The following THADA variants were observed in gnomAD, a reference collection of about 807,000 sequenced individuals.
THADA encodes the protein tRNA (32-2'-O)-methyltransferase regulator THADA.
Under a neutral mutation model 219.8 loss-of-function variants are expected in THADA, and 213 were observed. The ratio of observed to expected loss-of-function variants is 0.97; its 90% CI spans 0.87 to 1.09. The LOEUF (loss-of-function observed/expected upper bound fraction) is 1.09, where lower values mean the gene tolerates loss of function less well. Ranked by LOEUF, THADA falls within the 50% of genes least tolerant of loss-of-function variation. THADA has a pLI of 0.00. For synonymous variants in THADA, 1,018 were observed against 828.9 expected, an observed-to-expected ratio of 1.23 and a Z score of -3.92; for missense variants, 2,956 against 2,311.3, an observed-to-expected ratio of 1.28 and a Z score of -5.72.
chr2:43,577,245 G>A lies in THADA; in HGVS notation c.817-3C>T. The A allele has an allele frequency of 1.9e-6, 3 of 1,575,212 alleles. No homozygotes were observed. Among genetic ancestry groups the A allele is most frequent in the South Asian group, 1.2e-5 (1 of 85,736 alleles). ...GAACGAAGCAGCACACTGCTAATCTGGAAAAATATAGCAGAGCTAACACAC... is the reference window on the plus strand; with the variant it reads ...GAACGAAGCAGCACACTGCTAATCTAGAAAAATATAGCAGAGCTAACACAC... On this transcript the variant is annotated splice_polypyrimidine_tract_variant and splice_region_variant and intron_variant, in intron 9 of 37. Coordinates refer to ENST00000405975, the MANE Select transcript of THADA (RefSeq NM_022065.5).
At chr2:43,297,384 A>C (rs1226422876) in intron 31 of THADA, among the ~76,000 whole-genome samples, 7 of 88,464 alleles carry the variant, frequency 7.9e-5, no homozygotes, top group South Asian at 4.5e-4. Flanking sequence ...TCTGCCCGGC[A>C]GCCACCCCAT....
intron 30 of THADA, among the ~76,000 whole-genome samples, chr2:43,340,278 G>T (rs1478829205): frequency 2.0e-5 from 3 of 152,208 alleles, no homozygotes; most frequent in African/African-American, 7.2e-5. Flanking sequence ...GTCCTTTCCT[G>T]AAGCCATGTT....
At chr2:43,433,840 A>G (rs1679712302) in intron 26 of THADA, among the ~76,000 whole-genome samples, 1 of 152,062 alleles carries the variant, frequency 6.6e-6, no homozygotes, top group South Asian at 2.1e-4. Context: ...GGTGCGCACC[A>G]CCACATCTGG....
Position 43,551,808 on chromosome 2 carries a change from G to A in THADA, c.2928C>T (p.Ile976=). 2 of 1,613,594 alleles carry A rather than the reference G, an allele frequency of 1.2e-6. No homozygotes were observed. Among genetic ancestry groups the A allele is most frequent in the Non-Finnish European group, 1.7e-6 (2 of 1,179,780 alleles). Residue 976 remains isoleucine (I), a synonymous_variant, in exon 19 of 38, where the codon ATC becomes ATT. Transcript: ENST00000405975. ...GCTAACCTGAATCAGTGTCCATTGG[G>A]ATGAGGCCTTCAGGGGATGAGCTCT... ...VIQSSSPEGL[I]PMDTDSESAS...
chr2:43,424,967 C>T (rs752945446), intron 28 of THADA, among the ~76,000 whole-genome samples: 1 of 152,190 alleles, frequency 6.6e-6, no homozygotes, highest in African/African-American at 2.4e-5. Context: ...AGAAGACAGC[C>T]TGTACTCAGA....
intron 20 of THADA, among the ~76,000 whole-genome samples, chr2:43,547,652 T>C (rs552800156): frequency 2.0e-5 from 3 of 152,360 alleles, no homozygotes; most frequent in East Asian, 1.9e-4. Flanking sequence ...TTCCAGTGGA[T>C]TGCATCGGCT....
At chr2:43,312,735 T>C (rs185036661) in intron 31 of THADA, among the ~76,000 whole-genome samples, 3 of 148,258 alleles carry the variant, frequency 2.0e-5, no homozygotes, top group African/African-American at 2.5e-5. Flanking sequence ...TTTTTTTTTT[T>C]CCTCCTCCTT....
chr2:43,236,017 G>A (rs969366645), intron 36 of THADA, among the ~76,000 whole-genome samples: 1 of 152,036 alleles, frequency 6.6e-6, no homozygotes, highest in African/African-American at 2.4e-5. Context: ...CACCGTGTTA[G>A]CCATGATGGT....
chr2:43,444,969 A>G (rs1037120437), intron 26 of THADA, among the ~76,000 whole-genome samples: 4 of 152,322 alleles, frequency 2.6e-5, no homozygotes, highest in African/African-American at 7.2e-5. Context: ...CAAACACCAT[A>G]AATCTGGTCA....
In THADA at chr2:43,508,679, C is replaced by G. The variant is rs1394459166; in HGVS notation, c.3476G>C (p.Arg1159Thr). 1.2e-6 allele frequency: 2 copies of G among 1,613,642 alleles called. No homozygotes were observed. The highest frequency in any genetic ancestry group is 1.7e-6 in the Non-Finnish European group (2 of 1,179,676). The change falls in exon 23 of 38, where the codon AGG becomes ACG. Residue 1159 changes from arginine (R) to threonine (T), a missense_variant. Physicochemically the swap from Arg to Thr is moderately conservative, Grantham distance 71. Coordinates refer to ENST00000405975, the MANE Select transcript of THADA (RefSeq NM_022065.5). ...GTAGAAAGGAATTCCAGCACTGCGC[C>G]TTGTAGCACAGAGTTTAGATGAAGG... is the stretch of plus-strand genomic sequence containing the variant. ...SDPSSKLCAT[R>T]RSAGIPFYIQ...
rs545232617 is a variant in THADA, at chr2:43,316,920, T to A, written c.4438+3526A>T. Among the ~76,000 whole-genome samples, 170 of 152,294 alleles carry A rather than the reference T, an allele frequency of 1.1e-3. 1 individual carries two copies. The highest frequency in any genetic ancestry group is 6.8e-3 in the Middle Eastern group (2 of 294). ...CCAGCTTGTGCAACAAGAGTGAAACTCCATGTCAACAAAAAAATATTAATA... is the reference window on the plus strand; with the variant it reads ...CCAGCTTGTGCAACAAGAGTGAAACACCATGTCAACAAAAAAATATTAATA... On this transcript the variant is annotated intron_variant, in intron 31 of 37. Coordinates refer to ENST00000405975, the MANE Select transcript of THADA (RefSeq NM_022065.5).
intron 24 of THADA, 72 bp downstream of exon 24, chr2:43,505,550 C>T (rs1287915236): frequency 6.1e-6 from 7 of 1,141,954 alleles, no homozygotes; most frequent in East Asian, 2.6e-5. Flanking sequence ...CGGTAACAGC[C>T]GTCTTGAAAA....
Position 43,549,346 on chromosome 2 carries a change from C to G in THADA, c.2970G>C (p.Met990Ile). The G allele has an allele frequency of 6.2e-7, 1 of 1,603,364 alleles. No homozygotes were observed. The highest frequency in any genetic ancestry group is 8.5e-7 in the Non-Finnish European group (1 of 1,175,196). ...TDSESASRLQ[M>I]ILNEIQPRDT... is the part of the protein sequence containing the mutation. ...CTCGAGGCTGAATCTCATTCAGAAT[C>G]ATCTGTAAGCGGCTTGCTGACTCTG... The change falls in exon 20 of 38, where the codon ATG becomes ATC. Residue 990 changes from methionine (M) to isoleucine (I), a missense_variant. Transcript: ENST00000405975.
At chr2:43,578,719 C>G in intron 8 of THADA, 112 bp from the exon 9 acceptor site, 1 of 595,670 alleles carries the variant, frequency 1.7e-6, no homozygotes, top group Non-Finnish European at 2.9e-6. Context: ...CTAGTCTGAC[C>G]ACTTCCTGGG....
intron 32 of THADA, among the ~76,000 whole-genome samples, chr2:43,292,561 G>C (rs1462395466): frequency 6.6e-6 from 1 of 152,178 alleles, no homozygotes; most frequent in Non-Finnish European, 1.5e-5. Context: ...TTAATGATCT[G>C]TTTCCTAAAC....
chr2:43,343,276 T>A (rs1667252742), intron 30 of THADA: 1 of 152,240 alleles, frequency 6.6e-6, no homozygotes, highest in Non-Finnish European at 1.5e-5. Context: ...GCTCAAGCAA[T>A]CCTTCTGCCC....
chr2:43,410,090 TCAAA>T (rs1283709035), intron 28 of THADA, among the ~76,000 whole-genome samples: 2 of 151,466 alleles, frequency 1.3e-5, no homozygotes, highest in South Asian at 2.1e-4. Context: ...GGTCAAAGCT[TCAAA>T]CAGACACTTC....
intron 36 of THADA, among the ~76,000 whole-genome samples, chr2:43,240,874 G>T (rs1343100769): frequency 6.6e-6 from 1 of 152,178 alleles, no homozygotes; most frequent in African/African-American, 2.4e-5. Flanking sequence ...AAATGTGCTG[G>T]CCAGAGCTCT....
chr2:43,577,060 G>C lies in THADA; in HGVS notation c.999C>G (p.Leu333=). Residue 333 remains leucine (L), a synonymous_variant, in exon 10 of 38, where the codon CTC becomes CTG. Coordinates refer to ENST00000405975, the MANE Select transcript of THADA (RefSeq NM_022065.5). ...GSMGRSGEAL[L]LDTAHVLFTL... is the part of the protein sequence containing the mutation. The stretch of plus-strand genomic sequence containing the variant: ...TGAACAAAACATGTGCAGTATCCAA[G>C]AGCAGGGCCTCCCCACTCCGACCCA... 1.9e-6 allele frequency: 3 copies of C among 1,613,492 alleles called. No individual in the cohort carries two copies. The highest frequency in any genetic ancestry group is 2.5e-6 in the Non-Finnish European group (3 of 1,179,750).
Sources: gnomAD v4.1 joint callset for allele counts (sites outside exome capture counted in the v4.1 genomes callset) on GRCh38, gnomAD v4.1.1 for gene constraint, MANE v1.5 for transcripts, NCBI Gene and HGNC (gene_info 2026-07-23, HGNC 2026-07-21) for gene names.